Variants in STAU2 observed in about 807,000 individuals in gnomAD.
STAU2 encodes double-stranded RNA-binding protein Staufen homolog 2.
Under a neutral mutation model 65.9 loss-of-function variants are expected in STAU2, and 20 were observed. The observed-to-expected ratio is 0.30, with a 90% CI of 0.21 to 0.44. The LOEUF (loss-of-function observed/expected upper bound fraction) is 0.44. Ranked by LOEUF, STAU2 falls within the 20% of genes least tolerant of loss-of-function variation. The pLI, the probability that STAU2 is intolerant of heterozygous loss-of-function variation, is 1.00. For synonymous variants in STAU2, 232 were observed against 233.9 expected (o/e 0.99, Z 0.07); for missense variants, 558 against 683.9 (o/e 0.82, Z 2.05).
At chr8:73,462,470 A>G (rs1321197608) in intron 13 of STAU2, among the ~76,000 whole-genome samples, 4 of 151,970 alleles carry the variant, frequency 2.6e-5, no homozygotes, top group African/African-American at 9.7e-5. Flanking sequence ...ATCATGGCCC[A>G]CTGCAACCTC....
rs1807377511 is a variant in STAU2, at chr8:73,552,140, G to T, written c.1402C>A (p.Leu468Ile). 6.2e-7 allele frequency: 1 copy of T among 1,613,820 alleles called. No homozygotes were observed. The highest frequency in any genetic ancestry group is 1.3e-5 in the African/African-American group (1 of 74,908). The change falls in exon 13 of 15, where the codon CTC (leucine) becomes ATC (isoleucine). Residue 468 changes from leucine (L) to isoleucine (I), a missense_variant. This residue lies in a region of STAU2 where 247 missense variants were observed against 270.1 expected (regional missense o/e 0.91). Coordinates refer to ENST00000524300, the MANE Select transcript of STAU2 (RefSeq NM_001164380.2). The stretch of plus-strand genomic sequence containing the variant: ...GTAGAAGATGTTCCATTCATAAGGA[G>T]TTCCCTGGCAATTGTAGCTGAACTA... ...SNSSATIARELLMNGTSSTAE... is the reference protein window; with the variant it reads ...SNSSATIAREILMNGTSSTAE...
At chr8:73,575,740 TATATATGTGTGTATAAAATGTATATAC>T (rs1809493822) in intron 12 of STAU2, among the ~76,000 whole-genome samples, 1 of 152,124 alleles carries the variant, frequency 6.6e-6, no homozygotes, top group African/African-American at 2.4e-5. Context: ...TTTGTGTGTG[TATATATGTGTGTATAAAATGTATATAC>T]ATTTATACAT....
chr8:73,526,486 TAG>T (rs1805467013), intron 13 of STAU2, among the ~76,000 whole-genome samples: 1 of 152,196 alleles, frequency 6.6e-6, no homozygotes. Flanking sequence ...TTTGAGAAGA[TAG>T]ACTCTTTATT....
chr8:73,636,074 C>T (rs1482780278), intron 6 of STAU2, among the ~76,000 whole-genome samples: 1 of 151,958 alleles, frequency 6.6e-6, no homozygotes. Context: ...ATTTTTTTGG[C>T]CAGGCATAGT....
chr8:73,588,208 AT>A (rs1221948176), intron 11 of STAU2, among the ~76,000 whole-genome samples: 1 of 152,236 alleles, frequency 6.6e-6, no homozygotes, highest in Admixed American at 6.5e-5. Context: ...AACAAGCAAA[AT>A]GAATTCTAGT....
intron 1 of STAU2, among the ~76,000 whole-genome samples, chr8:73,742,647 A>G (rs1295616356): frequency 6.6e-6 from 1 of 151,952 alleles, no homozygotes; most frequent in Non-Finnish European, 1.5e-5. Context: ...CGTCCCAAAA[A>G]TGCCCTATCT....
At chr8:73,608,625 A>AG (rs397701230) in intron 9 of STAU2, among the ~76,000 whole-genome samples, 1 of 149,886 alleles carries the variant, frequency 6.7e-6, no homozygotes, top group Non-Finnish European at 1.5e-5. Flanking sequence ...AAAAAAAAAA[A>AG]GAAAAAGAAA....
At chr8:73,485,298 C>G (rs1820859052) in intron 13 of STAU2, among the ~76,000 whole-genome samples, 2 of 151,898 alleles carry the variant, frequency 1.3e-5, no homozygotes, top group Admixed American at 1.3e-4. Flanking sequence ...CCCACCTCAG[C>G]TTCCAGAGTA....
intron 10 of STAU2, among the ~76,000 whole-genome samples, chr8:73,596,134 C>T (rs1196728656): frequency 6.6e-6 from 1 of 151,526 alleles, no homozygotes; most frequent in Non-Finnish European, 1.5e-5. Context: ...AAAAAGGCTT[C>T]CAAGTCAGAT....
chr8:73,530,560 A>T (rs971227236), intron 13 of STAU2, among the ~76,000 whole-genome samples: 1 of 152,224 alleles, frequency 6.6e-6, no homozygotes, highest in African/African-American at 2.4e-5. Flanking sequence ...GGAGGCTGAC[A>T]TATCACTCCC....
intron 5 of STAU2, among the ~76,000 whole-genome samples, chr8:73,687,356 T>TTTATA (rs1243776186): frequency 5.8e-5 from 1 of 17,386 alleles, no homozygotes; most frequent in Non-Finnish European, 1.1e-4. Context: ...ATAATTTATA[T>TTTATA]AATATAAATA....
intron 6 of STAU2, among the ~76,000 whole-genome samples, chr8:73,671,449 C>T (rs1246581190): frequency 6.6e-6 from 1 of 151,696 alleles, no homozygotes; most frequent in African/African-American, 2.4e-5. Flanking sequence ...AGACAAAAAC[C>T]TTTTTAACTC....
chr8:73,664,654 T>C (rs1328917233), intron 6 of STAU2, among the ~76,000 whole-genome samples: 1 of 152,250 alleles, frequency 6.6e-6, no homozygotes, highest in Non-Finnish European at 1.5e-5. Flanking sequence ...AATCATAATG[T>C]TATTTAAATT....
chr8:73,497,889 C>T (rs1462104945), intron 13 of STAU2, among the ~76,000 whole-genome samples: 3 of 151,774 alleles, frequency 2.0e-5, no homozygotes, highest in East Asian at 1.9e-4. Flanking sequence ...AATAAAACAT[C>T]TCACATGCTT....
intron 12 of STAU2, among the ~76,000 whole-genome samples, chr8:73,555,140 G>A (rs938733866): frequency 7.2e-5 from 11 of 152,186 alleles, no homozygotes; most frequent in African/African-American, 1.9e-4. Context: ...TAGAGCAGTG[G>A]GAATGGGAAA....
At chr8:73,427,208 G>A (rs769338769) in intron 13 of STAU2, among the ~76,000 whole-genome samples, 14 of 152,100 alleles carry the variant, frequency 9.2e-5, no homozygotes, top group Non-Finnish European at 1.9e-4. Context: ...GATTACATGC[G>A]TGAGCCACTG....
At chr8:73,475,977 T>G (rs975491806) in intron 13 of STAU2, among the ~76,000 whole-genome samples, 2 of 152,248 alleles carry the variant, frequency 1.3e-5, no homozygotes, top group Non-Finnish European at 2.9e-5. Flanking sequence ...ACAGTCATAT[T>G]TTCTAAAGAG....
intron 13 of STAU2, chr8:73,551,566 A>G (rs1807335029): frequency 8.1e-6 from 8 of 987,910 alleles, no homozygotes; most frequent in Non-Finnish European, 9.6e-6. Flanking sequence ...TAGCAATAGA[A>G]TGCAAAATTC....
At position 73,422,797 on chromosome 8, in the gene STAU2, T is replaced by G. The variant is rs894817668; in HGVS notation, c.1531-95A>C. 3.5e-5 allele frequency: 24 copies of G among 684,990 alleles called. No homozygotes were observed. In the Middle Eastern group the frequency reaches 1.2e-3, roughly 34 times the overall value. 42.4% of individuals were successfully genotyped at this position (684,990 alleles called of 1,614,324 possible). ...GCTGAGATAGAAAGACTCATTTTCA[T>G]TAGTCTACATAATTTTTTTTTGCAT... On this transcript the variant is annotated intron_variant, in intron 13 of 14. Transcript: ENST00000524300.
Sources: allele counts gnomAD v4.1 joint callset (sites outside exome capture counted in the v4.1 genomes callset), GRCh38; gene constraint gnomAD v4.1.1; regional missense constraint gnomAD v4.1.1; transcripts MANE v1.5; gene names NCBI Gene and HGNC (gene_info 2026-07-23, HGNC 2026-07-21).